CDH12: variants seen among roughly 807,000 people sequenced by gnomAD.
CDH12 encodes cadherin 12, also known as cadherin-12.
Under a neutral mutation model 74.1 loss-of-function variants are expected in CDH12, and 41 were observed. The ratio of observed to expected loss-of-function variants is 0.55; its 90% CI spans 0.43 to 0.72. The LOEUF (loss-of-function observed/expected upper bound fraction) is 0.72, where lower values mean the gene tolerates loss of function less well. Ranked by LOEUF, CDH12 falls within the 30% of genes least tolerant of loss-of-function variation. The probability of loss-of-function intolerance (pLI) is 0.00; values close to 1 mark genes in which losing one functional copy is unlikely to be tolerated. For missense variants in CDH12, 945 were observed against 977.2 expected (o/e 0.97, Z 0.44); for synonymous variants, 399 against 355.0 (o/e 1.12, Z -1.39).
chr5:22,683,417 T>G (rs1205999339), intron 1 of CDH12, among the ~76,000 whole-genome samples: 3 of 152,164 alleles, frequency 2.0e-5, no homozygotes, highest in African/African-American at 7.2e-5. Context: ...AACACACATG[T>G]AATCTAGTAG....
At chr5:22,138,479 T>C (rs71609222) in intron 4 of CDH12, among the ~76,000 whole-genome samples, 26,865 of 151,260 alleles carry the variant, frequency 0.18, 2,899 homozygotes, top group African/African-American at 0.3. Context: ...AATTTGCTCC[T>C]AAAGTGGCCA....
At chr5:22,075,096 G>A (rs1210513124) in intron 5 of CDH12, among the ~76,000 whole-genome samples, 1 of 152,010 alleles carries the variant, frequency 6.6e-6, no homozygotes, top group Non-Finnish European at 1.5e-5. Context: ...TTAAGAAAAT[G>A]TGGCACATAT....
At chr5:21,752,343 C>T (rs1262082354) in intron 14 of CDH12, 107 bp from the exon 15 acceptor site, 19 of 886,440 alleles carry the variant, frequency 2.1e-5, no homozygotes, top group Non-Finnish European at 2.8e-5. Flanking sequence ...CGTGAATGAC[C>T]TCCTGTTACT....
chr5:22,232,599 G>A (rs552325002), intron 3 of CDH12, among the ~76,000 whole-genome samples: 3 of 151,372 alleles, frequency 2.0e-5, no homozygotes, highest in South Asian at 2.1e-4. Context: ...AAATGATTTG[G>A]TATTGAAATA....
At chr5:22,067,491 G>A (rs900832037) in intron 5 of CDH12, among the ~76,000 whole-genome samples, 1 of 152,114 alleles carries the variant, frequency 6.6e-6, no homozygotes, top group African/African-American at 2.4e-5. Context: ...GATGTGAAAT[G>A]CTGCTAGTTT....
chr5:22,052,734 A>C (rs1740461533), intron 5 of CDH12, among the ~76,000 whole-genome samples: 1 of 152,120 alleles, frequency 6.6e-6, no homozygotes, highest in Non-Finnish European at 1.5e-5. Flanking sequence ...TCTCTTCTTC[A>C]GGTAAAATAA....
At chr5:22,270,952 T>A (rs1210940810) in intron 3 of CDH12, among the ~76,000 whole-genome samples, 1 of 152,102 alleles carries the variant, frequency 6.6e-6, no homozygotes, top group Non-Finnish European at 1.5e-5. Context: ...GGATTACAGA[T>A]GTGAGCCACC....
At chr5:22,695,542 G>T (rs1742315302) in intron 1 of CDH12, among the ~76,000 whole-genome samples, 1 of 152,210 alleles carries the variant, frequency 6.6e-6, no homozygotes, top group Non-Finnish European at 1.5e-5. Context: ...AATAAATGGT[G>T]CTGGGAAAAC....
intron 3 of CDH12, among the ~76,000 whole-genome samples, chr5:22,296,520 T>C (rs57489717): frequency 0.025 from 3,809 of 152,276 alleles, 68 homozygotes; most frequent in African/African-American, 0.052. Flanking sequence ...AGAGAGAAGC[T>C]TTATTTTGTA....
chr5:22,386,372 CA>C (rs904904545), intron 3 of CDH12, among the ~76,000 whole-genome samples: 22 of 152,232 alleles, frequency 1.4e-4, no homozygotes, highest in Admixed American at 2.0e-4. Flanking sequence ...TGCCTAATAA[CA>C]TTAACCAAAT....
rs1210197359 is a variant in CDH12, at chr5:22,332,481, G to GAAGAGC, written c.-333+72770_-333+72775dup. On this transcript the variant is annotated intron_variant, in intron 3 of 14. Coordinates refer to ENST00000382254, the MANE Select transcript of CDH12 (RefSeq NM_004061.5). ...TTGAGAAGTGAAATTTAATTAAACTGAAGAGCTTCTGCACAGCAAAAAGAA... is the reference window on the plus strand; with the variant it reads ...TTGAGAAGTGAAATTTAATTAAACTGAAGAGCAAGAGCTTCTGCACAGCAAAAAGAA... Among the ~76,000 whole-genome samples the GAAGAGC allele has an allele frequency of 2.0e-5, 3 of 152,038 alleles. No homozygotes were observed. In the East Asian group the frequency reaches 5.8e-4, roughly 29 times the overall value.
intron 1 of CDH12, among the ~76,000 whole-genome samples, chr5:22,769,478 T>C (rs1387591689): frequency 6.6e-6 from 1 of 152,108 alleles, no homozygotes; most frequent in East Asian, 1.9e-4. Flanking sequence ...ACTGTTGGCT[T>C]CCCTACTTTT....
intron 1 of CDH12, among the ~76,000 whole-genome samples, chr5:22,611,248 T>C (rs1296684082): frequency 6.6e-6 from 1 of 152,102 alleles, no homozygotes; most frequent in Non-Finnish European, 1.5e-5. Context: ...ACACTTAAAC[T>C]TTCCCCTCTT....
At chr5:22,729,762 C>T (rs994464282) in intron 1 of CDH12, among the ~76,000 whole-genome samples, 13 of 152,032 alleles carry the variant, frequency 8.6e-5, no homozygotes, top group Non-Finnish European at 1.0e-4. Flanking sequence ...TTGTCCAGCA[C>T]AGCAGGTAAG....
At chr5:22,807,640 T>A (rs1004769168) in intron 1 of CDH12, among the ~76,000 whole-genome samples, 18 of 152,242 alleles carry the variant, frequency 1.2e-4, no homozygotes, top group African/African-American at 4.3e-4. Flanking sequence ...TACAGCCTAT[T>A]GCTCCTAGGC....
In CDH12 at chr5:21,865,979, C is replaced by A. The variant is rs562841432; in HGVS notation, c.527-11189G>T. On this transcript the variant is annotated intron_variant, in intron 6 of 14. Transcript: ENST00000382254. ...ATAATTGAATCATGGGGATGGTTTT[C>A]ACCATACTGTTCTCATGGTAGTAAA... Among the ~76,000 whole-genome samples the A allele has an allele frequency of 2.2e-4, 33 of 152,270 alleles. No homozygotes were observed. In the South Asian group the frequency reaches 6.8e-3, roughly 32 times the overall value.
chr5:22,713,695 T>C (rs1159925619), intron 1 of CDH12, among the ~76,000 whole-genome samples: 2 of 152,002 alleles, frequency 1.3e-5, no homozygotes, highest in East Asian at 1.9e-4. Context: ...CATACACTGG[T>C]TGTAGATGGG....
intron 1 of CDH12, among the ~76,000 whole-genome samples, chr5:22,774,128 G>A (rs898707150): frequency 5.9e-5 from 9 of 152,008 alleles, no homozygotes; most frequent in African/African-American, 1.9e-4. Flanking sequence ...CTATTACTTG[G>A]TATATATCCA....
At position 22,041,220 on chromosome 5, in the gene CDH12, T is replaced by C. The variant is rs140643341; in HGVS notation, c.231+37226A>G. Reference sequence around the variant, plus strand: ...AATGTTTAAAAAAAGAATTAAAACTTACACTAAAGAAAATTACAAAAATAA... The same window carrying C: ...AATGTTTAAAAAAAGAATTAAAACTCACACTAAAGAAAATTACAAAAATAA... On this transcript the variant is annotated intron_variant, in intron 5 of 14. Coordinates refer to ENST00000382254, the MANE Select transcript of CDH12 (RefSeq NM_004061.5). Among the ~76,000 whole-genome samples the C allele has an allele frequency of 3.5e-3, 531 of 152,068 alleles. 1 individual carries two copies. Among genetic ancestry groups the C allele is most frequent in the African/African-American group, 0.012 (516 of 41,534 alleles).
Sources: allele counts gnomAD v4.1 joint callset (sites outside exome capture counted in the v4.1 genomes callset), GRCh38; gene constraint gnomAD v4.1.1; transcripts MANE v1.5; gene names NCBI Gene and HGNC (gene_info 2026-07-23, HGNC 2026-07-21).